TNNI3K: variants seen among roughly 807,000 people sequenced by gnomAD.
TNNI3K encodes serine/threonine-protein kinase TNNI3K.
A neutral mutation model predicts 114.5 loss-of-function variants in TNNI3K; 140 were observed. The observed-to-expected ratio is 1.22, with a 90% CI of 1.07 to 1.41. The LOEUF (loss-of-function observed/expected upper bound fraction) is 1.41. Among genes scored for constraint, TNNI3K ranks in the 40% most tolerant of loss-of-function variants. The pLI is 0.00. For missense variants in TNNI3K, 1,125 were observed against 1,007.6 expected, an observed-to-expected ratio of 1.12 and a Z score of -1.58; for synonymous variants, 347 against 347.5, an observed-to-expected ratio of 1.00 and a Z score of 0.02.
chr1:74,467,931 A>G (rs1667747527), intron 21 of TNNI3K, among the ~76,000 whole-genome samples: 1 of 152,184 alleles, frequency 6.6e-6, no homozygotes, highest in Non-Finnish European at 1.5e-5. Context: ...AACTCAAGCA[A>G]AAGACAATGA....
At chr1:74,369,633 A>C in intron 16 of TNNI3K, 48 bp downstream of exon 16, 1 of 1,509,328 alleles carries the variant, frequency 6.6e-7, no homozygotes, top group Non-Finnish European at 8.8e-7. Flanking sequence ...CGTAGAAACT[A>C]CTCTTGCAAT....
chr1:74,274,108 T>C (rs770675813), intron 5 of TNNI3K, among the ~76,000 whole-genome samples: 6 of 151,922 alleles, frequency 3.9e-5, no homozygotes, highest in Non-Finnish European at 5.9e-5. Context: ...ATATAAACAG[T>C]CCATTATCAT....
chr1:74,525,190 A>G (rs1646487349), intron 23 of TNNI3K, among the ~76,000 whole-genome samples: 1 of 152,202 alleles, frequency 6.6e-6, no homozygotes, highest in South Asian at 2.1e-4. Context: ...GAAAGAATGC[A>G]GCAGGCATAA....
intron 13 of TNNI3K, 75 bp downstream of exon 13, chr1:74,368,039 T>C: frequency 7.3e-7 from 1 of 1,365,854 alleles, no homozygotes. Flanking sequence ...TTTTCAATTT[T>C]GTTTTACATA....
At chr1:74,318,686 A>C (rs1659450838) in intron 5 of TNNI3K, among the ~76,000 whole-genome samples, 1 of 152,212 alleles carries the variant, frequency 6.6e-6, no homozygotes. Context: ...TTGTTGTGAT[A>C]GTTCACACAT....
In TNNI3K at chr1:74,439,594, C is replaced by A. The variant is rs187479159; in HGVS notation, c.1983C>A (p.Gly661=). The change falls in exon 20 of 25, where the codon GGC becomes GGA. Residue 661 remains glycine (G), a synonymous_variant. Transcript: ENST00000326637. ...YALCLWEILT[G]EIPFAHLKPA... ...TGTGTCTGTGGGAAATTCTCACTGG[C>A]GAAATTCCATTCGCTCATCTCAAGC... 8.7e-6 allele frequency: 14 copies of A among 1,613,336 alleles called. No homozygotes were observed. The highest frequency in any genetic ancestry group is 7.7e-5 in the South Asian group (7 of 91,056).
chr1:74,245,440 A>T (rs1268078740), intron 2 of TNNI3K, among the ~76,000 whole-genome samples: 2 of 152,306 alleles, frequency 1.3e-5, no homozygotes, highest in African/African-American at 4.8e-5. Context: ...CTTGAGGTCC[A>T]CGGTGCTCCC....
intron 5 of TNNI3K, among the ~76,000 whole-genome samples, chr1:74,284,635 C>T (rs958279472): frequency 1.3e-5 from 2 of 152,178 alleles, no homozygotes; most frequent in African/African-American, 4.8e-5. Context: ...CAGAGTAGCC[C>T]CTTGCTGCAT....
At chr1:74,429,909 C>T (rs1475039932) in intron 17 of TNNI3K, among the ~76,000 whole-genome samples, 1 of 152,070 alleles carries the variant, frequency 6.6e-6, no homozygotes, top group Non-Finnish European at 1.5e-5. Flanking sequence ...GGAAGCATTG[C>T]AGTTGTGTTA....
chr1:74,491,064 C>T (rs767562823), intron 22 of TNNI3K, among the ~76,000 whole-genome samples: 1 of 151,954 alleles, frequency 6.6e-6, no homozygotes, highest in Non-Finnish European at 1.5e-5. Flanking sequence ...TGTCTGTGAG[C>T]CTTTTAAAGG....
At chr1:74,240,987 T>A (rs1348850216) in intron 2 of TNNI3K, among the ~76,000 whole-genome samples, 4 of 152,016 alleles carry the variant, frequency 2.6e-5, no homozygotes, top group African/African-American at 9.7e-5. Context: ...TGTGTCCATG[T>A]ACTCAATTCC....
At chr1:74,375,555 T>C in intron 17 of TNNI3K, 1 of 455,274 alleles carries the variant, frequency 2.2e-6, no homozygotes. Context: ...GTGCTTGAGA[T>C]ATTTTGCAGA....
At chr1:74,382,368 T>A (rs1663247519) in intron 17 of TNNI3K, among the ~76,000 whole-genome samples, 1 of 152,206 alleles carries the variant, frequency 6.6e-6, no homozygotes, top group African/African-American at 2.4e-5. Flanking sequence ...CAATGGAGGA[T>A]TTTAGAGAAA....
intron 21 of TNNI3K, among the ~76,000 whole-genome samples, chr1:74,483,647 G>A (rs928363396): frequency 6.6e-6 from 1 of 152,144 alleles, no homozygotes; most frequent in African/African-American, 2.4e-5. Context: ...GCAAAACAAT[G>A]TATAGTTTGT....
chr1:74,381,614 A>C (rs149680689), intron 17 of TNNI3K, among the ~76,000 whole-genome samples: 23 of 152,246 alleles, frequency 1.5e-4, no homozygotes, highest in African/African-American at 5.5e-4. Context: ...TCTATAGAGA[A>C]GGTCAAGGGG....
At chr1:74,268,664 A>G (rs1656163076) in intron 4 of TNNI3K, among the ~76,000 whole-genome samples, 1 of 151,864 alleles carries the variant, frequency 6.6e-6, no homozygotes. Context: ...TATATAATCA[A>G]GGAAATTAGC....
intron 20 of TNNI3K, among the ~76,000 whole-genome samples, chr1:74,443,248 A>T (rs1367787846): frequency 6.6e-6 from 1 of 152,160 alleles, no homozygotes; most frequent in African/African-American, 2.4e-5. Flanking sequence ...AAATTAATAA[A>T]ATAGATACAC....
rs113110663 is a variant in TNNI3K, at chr1:74,458,685, G to A, written c.2012-4756G>A. Among the ~76,000 whole-genome samples the A allele has an allele frequency of 6.8e-3, 1,034 of 152,182 alleles. 14 individuals are homozygous for A. Among genetic ancestry groups the A allele is most frequent in the African/African-American group, 0.023 (968 of 41,520 alleles). ...ATCTTCATTCATTTATTCAATAAATGTTACTGAGTCCTATATACCAGAATT... is the reference window on the plus strand; with the variant it reads ...ATCTTCATTCATTTATTCAATAAATATTACTGAGTCCTATATACCAGAATT... On this transcript the variant is annotated intron_variant, in intron 20 of 24. Transcript: ENST00000326637.
chr1:74,400,507 G>C (rs1346427613), intron 17 of TNNI3K, among the ~76,000 whole-genome samples: 1 of 152,174 alleles, frequency 6.6e-6, no homozygotes, highest in Non-Finnish European at 1.5e-5. Context: ...TTTCCCCTAG[G>C]ATAGTATATC....
Sources: gnomAD v4.1 joint callset for allele counts (sites outside exome capture counted in the v4.1 genomes callset) on GRCh38, gnomAD v4.1.1 for gene constraint, MANE v1.5 for transcripts, NCBI Gene and HGNC (gene_info 2026-07-23, HGNC 2026-07-21) for gene names.